The following MAP1B variants were observed in gnomAD, a reference collection of about 807,000 sequenced individuals.
The protein encoded by MAP1B is microtubule-associated protein 1B.
In MAP1B, 12 loss-of-function variants were observed where a neutral mutation model predicts 176.1. The observed-to-expected ratio is 0.07, with a 90% CI of 0.04 to 0.11. The LOEUF is 0.11. MAP1B is among the 10% of genes least tolerant of loss of function. The pLI is 1.00. For synonymous variants in MAP1B, 1,044 were observed against 1,135.0 expected, an observed-to-expected ratio of 0.92 and a Z score of 1.61; for missense variants, 2,523 against 2,990.5, an observed-to-expected ratio of 0.84 and a Z score of 3.65.
chr5:72,156,770 G>A (rs946281973), intron 2 of MAP1B, among the ~76,000 whole-genome samples: 1 of 152,172 alleles, frequency 6.6e-6, no homozygotes, highest in Non-Finnish European at 1.5e-5. Context: ...AATATGGGAA[G>A]CAGTGTTTCC....
Position 72,200,115 on chromosome 5 carries a change from T to C in MAP1B, c.6760T>C (p.Ser2254Pro). The C allele has an allele frequency of 2.5e-6, 4 of 1,614,178 alleles. No individual in the cohort carries two copies. The highest frequency in any genetic ancestry group is 3.4e-6 in the Non-Finnish European group (4 of 1,180,034). ...KTKKPGTKTK[S>P]SSPVKKSDGK... ...CAAAAAGCCAGGTACAAAGACCAAGTCATCTTCACCTGTCAAAAAGAGTGA... is the reference window on the plus strand; with the variant it reads ...CAAAAAGCCAGGTACAAAGACCAAGCCATCTTCACCTGTCAAAAAGAGTGA... Residue 2254 changes from serine (S) to proline (P), a missense_variant, in exon 5 of 7, where the codon TCA becomes CCA. Ser to Pro is a moderately conservative substitution (Grantham distance 74). Coordinates refer to ENST00000296755, the MANE Select transcript of MAP1B (RefSeq NM_005909.5).
chr5:72,118,555 C>T (rs929441051), intron 2 of MAP1B, among the ~76,000 whole-genome samples: 1 of 152,012 alleles, frequency 6.6e-6, no homozygotes, highest in South Asian at 2.1e-4. Context: ...ATATACAGAC[C>T]AACATAAAAT....
rs202226597 is a variant in MAP1B, at chr5:72,197,425, C to T, written c.4070C>T (p.Pro1357Leu). The T allele has an allele frequency of 6.2e-7, 1 of 1,614,184 alleles. No individual in the cohort carries two copies. Among genetic ancestry groups the T allele is most frequent in the East Asian group, 2.2e-5 (1 of 44,882 alleles). The change falls in exon 5 of 7, where the codon CCA becomes CTA. Residue 1357 changes from proline (P) to leucine (L), a missense_variant. By Grantham distance (98) the Pro-to-Leu change is moderately conservative. This residue lies in a region of MAP1B where 1,925 missense variants were observed against 2,126.0 expected (regional missense o/e 0.91). Coordinates refer to ENST00000296755, the MANE Select transcript of MAP1B (RefSeq NM_005909.5). ...CCTACAGAAGTCATTGAAAAACCAC[C>T]AGCAGTTCCAGTGAGTTTTGAATTC... ...HLPTEVIEKPPAVPVSFEFSD... is the reference protein window; with the variant it reads ...HLPTEVIEKPLAVPVSFEFSD...
intron 2 of MAP1B, among the ~76,000 whole-genome samples, chr5:72,174,628 A>G (rs764669223): frequency 1.3e-5 from 2 of 152,060 alleles, no homozygotes; most frequent in Non-Finnish European, 2.9e-5. Context: ...GACCCCTTAC[A>G]TTTTACATGC....
chr5:72,171,374 G>A (rs1173615000), intron 2 of MAP1B, among the ~76,000 whole-genome samples: 1 of 152,060 alleles, frequency 6.6e-6, no homozygotes, highest in Non-Finnish European at 1.5e-5. Context: ...GATCACTTGA[G>A]CCCAAGAGTT....
At chr5:72,180,559 C>T (rs1235744757) in intron 2 of MAP1B, among the ~76,000 whole-genome samples, 1 of 152,168 alleles carries the variant, frequency 6.6e-6, no homozygotes, top group Non-Finnish European at 1.5e-5. Flanking sequence ...AGCCGAAAAG[C>T]AATGTCCAAT....
chr5:72,123,643 C>T (rs1313708861), intron 2 of MAP1B, among the ~76,000 whole-genome samples: 2 of 152,080 alleles, frequency 1.3e-5, no homozygotes, highest in African/African-American at 2.4e-5. Context: ...CGCCACGACG[C>T]CCGGCTAATT....
intron 2 of MAP1B, among the ~76,000 whole-genome samples, chr5:72,162,072 A>G (rs1162838958): frequency 6.6e-6 from 1 of 152,150 alleles, no homozygotes; most frequent in Non-Finnish European, 1.5e-5. Flanking sequence ...CCAGAGAGTG[A>G]AAAGGACCTT....
chr5:72,129,009 A>G (rs1295063710), intron 2 of MAP1B, among the ~76,000 whole-genome samples: 3 of 152,144 alleles, frequency 2.0e-5, no homozygotes, highest in Non-Finnish European at 4.4e-5. Context: ...CTCCCTCCAA[A>G]TAAGCTAATA....
intron 2 of MAP1B, among the ~76,000 whole-genome samples, chr5:72,161,455 C>G (rs1277184423): frequency 6.6e-6 from 1 of 152,208 alleles, no homozygotes; most frequent in Non-Finnish European, 1.5e-5. Context: ...AAATACTGCT[C>G]TCTGTGAGAC....
intron 2 of MAP1B, among the ~76,000 whole-genome samples, chr5:72,158,691 C>T (rs1580000248): frequency 6.6e-6 from 1 of 152,052 alleles, no homozygotes; most frequent in African/African-American, 2.4e-5. Context: ...ATATGGAAGG[C>T]GACAGGTAGG....
chr5:72,160,184 A>G (rs1172482962), intron 2 of MAP1B, among the ~76,000 whole-genome samples: 1 of 151,472 alleles, frequency 6.6e-6, no homozygotes, highest in African/African-American at 2.4e-5. Flanking sequence ...GGGACCGAGA[A>G]TAAAGGGCAG....
At chr5:72,175,442 T>C (rs942361343) in intron 2 of MAP1B, among the ~76,000 whole-genome samples, 14 of 152,194 alleles carry the variant, frequency 9.2e-5, no homozygotes, top group African/African-American at 3.4e-4. Flanking sequence ...GGTGCCAGGA[T>C]TGGGCTTTGC....
In MAP1B at chr5:72,204,198, C is replaced by T. The variant is rs137978605; in HGVS notation, c.7251+397C>T. ...TCCTTTGTGTTTTATGAGTAGACTGCGGCTAGGAATATGGCCATTTAGAAA... is the reference window on the plus strand; with the variant it reads ...TCCTTTGTGTTTTATGAGTAGACTGTGGCTAGGAATATGGCCATTTAGAAA... On this transcript the variant is annotated intron_variant, in intron 6 of 6. Coordinates refer to ENST00000296755, the MANE Select transcript of MAP1B (RefSeq NM_005909.5). The surrounding 1 kb of genome is among the most constrained non-coding windows in gnomAD (Gnocchi z 4.4). Among the ~76,000 whole-genome samples the T allele has an allele frequency of 2.8e-3, 431 of 152,204 alleles. 4 individuals are homozygous for T. Among genetic ancestry groups the T allele is most frequent in the Non-Finnish European group, 4.9e-3 (336 of 68,006 alleles).
rs985213427 is a variant in MAP1B, at chr5:72,192,291, C to T, written c.511-1575C>T. On this transcript the variant is annotated intron_variant, in intron 4 of 6. Transcript: ENST00000296755. ...TGCTTTGGCCAGCAAATCATTTGAG[C>T]AAAGATGCCTGTCCCCTCTACCCAA... is the stretch of plus-strand genomic sequence containing the variant. 2.0e-5 allele frequency among the ~76,000 whole-genome samples: 3 copies of T among 152,292 alleles called. No individual in the cohort carries two copies. The South Asian group carries it at 6.2e-4, about 32-fold the overall frequency.
intron 2 of MAP1B, among the ~76,000 whole-genome samples, chr5:72,142,101 C>T (rs1392966404): frequency 6.6e-6 from 1 of 152,252 alleles, no homozygotes; most frequent in African/African-American, 2.4e-5. Flanking sequence ...CAAAAGAGAC[C>T]TGTGGAACCC....
chr5:72,184,259 C>T (rs2112213696), intron 3 of MAP1B, among the ~76,000 whole-genome samples: 1 of 152,328 alleles, frequency 6.6e-6, no homozygotes, highest in East Asian at 1.9e-4. Context: ...CTCCTGCACA[C>T]TCCTATCGCT....
At chr5:72,153,169 T>C (rs972651235) in intron 2 of MAP1B, among the ~76,000 whole-genome samples, 21 of 152,122 alleles carry the variant, frequency 1.4e-4, no homozygotes, top group African/African-American at 5.1e-4. Context: ...TTTGCACAGA[T>C]TTGTCTTTTG....
intron 1 of MAP1B, 54 bp downstream of exon 1, chr5:72,107,769 C>T: frequency 1.3e-6 from 2 of 1,579,206 alleles, no homozygotes; most frequent in Admixed American, 1.7e-5. Context: ...CAAACACGAC[C>T]CCACCCAGGG....
Sources: allele counts gnomAD v4.1 joint callset (sites outside exome capture counted in the v4.1 genomes callset), GRCh38; gene constraint gnomAD v4.1.1; regional missense constraint gnomAD v4.1.1; non-coding constraint Gnocchi (gnomAD v3.1); transcripts MANE v1.5; gene names NCBI Gene and HGNC (gene_info 2026-07-23, HGNC 2026-07-21).